GPC5: variants seen among roughly 807,000 people sequenced by gnomAD.
The protein encoded by GPC5 is glypican-5.
In GPC5, 47 loss-of-function variants were observed where a neutral mutation model predicts 53.9. That is an observed-to-expected ratio of 0.87 (90% CI 0.69 to 1.11). The LOEUF (loss-of-function observed/expected upper bound fraction) is 1.11. Among genes scored for constraint, GPC5 ranks in the 50% most tolerant of loss-of-function variants. GPC5 has a pLI of 0.00. For missense variants in GPC5, 748 were observed against 713.1 expected, an observed-to-expected ratio of 1.05 and a Z score of -0.56; for synonymous variants, 286 against 263.3, an observed-to-expected ratio of 1.09 and a Z score of -0.84.
chr13:92,660,540 A>G (rs1233756364), intron 7 of GPC5, among the ~76,000 whole-genome samples: 1 of 151,558 alleles, frequency 6.6e-6, no homozygotes, highest in East Asian at 1.9e-4. Flanking sequence ...TAATACTAAT[A>G]TAAAATTATG....
intron 7 of GPC5, among the ~76,000 whole-genome samples, chr13:92,550,040 T>C (rs779337652): frequency 2.0e-5 from 3 of 151,910 alleles, no homozygotes; most frequent in African/African-American, 7.2e-5. Context: ...GCCAGAGATA[T>C]CTATTCTTCA....
chr13:91,487,202 G>A (rs1594153286), intron 2 of GPC5, among the ~76,000 whole-genome samples: 2 of 152,178 alleles, frequency 1.3e-5, no homozygotes, highest in East Asian at 3.9e-4. Context: ...GGAAGTCACG[G>A]GTGTGATTAC....
intron 7 of GPC5, among the ~76,000 whole-genome samples, chr13:92,639,122 C>T (rs1345616076): frequency 6.6e-6 from 1 of 152,050 alleles, no homozygotes; most frequent in East Asian, 1.9e-4. Flanking sequence ...GTAAAGGGCT[C>T]AGAAATTATG....
chr13:92,528,095 C>T (rs1314047138), intron 7 of GPC5, among the ~76,000 whole-genome samples: 1 of 152,022 alleles, frequency 6.6e-6, no homozygotes, highest in Non-Finnish European at 1.5e-5. Context: ...ATGCTAATCA[C>T]TAGAGAATTG....
chr13:92,780,068 G>T (rs1202014476), intron 7 of GPC5, among the ~76,000 whole-genome samples: 1 of 152,034 alleles, frequency 6.6e-6, no homozygotes, highest in Non-Finnish European at 1.5e-5. Context: ...TAACATAGTG[G>T]TGTGTCTACT....
chr13:92,709,261 G>A (rs1036747681), intron 7 of GPC5, among the ~76,000 whole-genome samples: 7 of 141,986 alleles, frequency 4.9e-5, no homozygotes, highest in Non-Finnish European at 9.2e-5. Flanking sequence ...GTTTCACCAT[G>A]TTGACCACGC....
chr13:92,447,481 TA>T (rs1877875894), intron 7 of GPC5: 2 of 152,078 alleles, frequency 1.3e-5, no homozygotes, highest in Non-Finnish European at 2.9e-5. Context: ...GAAGCTTTTT[TA>T]GTAGGGATAT....
In GPC5 at chr13:92,586,964, G is replaced by GCACA. The variant is rs1469073952; in HGVS notation, c.1562-279317_1562-279316insACAC. On this transcript the variant is annotated intron_variant, in intron 7 of 7. Transcript: ENST00000377067. ...CTCTTGCATACACACACACACACAC[G>GCACA]CGCACACACACACACGCACACACAC... Among the ~76,000 whole-genome samples the GCACA allele has an allele frequency of 3.0e-3, 261 of 87,878 alleles. 1 individual carries two copies. The highest frequency in any genetic ancestry group is 0.011 in the African/African-American group (258 of 22,476). The allele number at this position is 87,878 out of a possible 152,430, so 57.7% of individuals were successfully genotyped here. A position where few individuals can be genotyped will look rare whatever the true frequency, so the allele number is the denominator to read the frequency against.
chr13:92,355,175 AT>A (rs1295345441), intron 7 of GPC5, among the ~76,000 whole-genome samples: 1 of 151,790 alleles, frequency 6.6e-6, no homozygotes, highest in African/African-American at 2.4e-5. Context: ...AATTATTCTC[AT>A]TAATAATTTA....
chr13:92,201,714 T>TGAAAGAG (rs2042296513), intron 7 of GPC5, among the ~76,000 whole-genome samples: 1 of 152,120 alleles, frequency 6.6e-6, no homozygotes, highest in Non-Finnish European at 1.5e-5. Context: ...CTAGATGTCT[T>TGAAAGAG]GAAAGAGACA....
chr13:92,764,835 A>G (rs182503757), intron 7 of GPC5, among the ~76,000 whole-genome samples: 313 of 152,176 alleles, frequency 2.1e-3, no homozygotes, highest in Non-Finnish European at 3.6e-3. Context: ...ATTCTCCCCA[A>G]ATTGTCTAAT....
chr13:91,998,798 T>C (rs941670363), intron 6 of GPC5, among the ~76,000 whole-genome samples: 2 of 152,216 alleles, frequency 1.3e-5, no homozygotes, highest in South Asian at 2.1e-4. Context: ...ATTCACATTA[T>C]GTAATGAGGG....
At chr13:92,743,649 T>A (rs1329137210) in intron 7 of GPC5, among the ~76,000 whole-genome samples, 1 of 152,122 alleles carries the variant, frequency 6.6e-6, no homozygotes, top group Non-Finnish European at 1.5e-5. Context: ...AGAGACGGCA[T>A]CTCTGTCTTG....
At chr13:91,859,046 T>G (rs1311330388) in intron 5 of GPC5, among the ~76,000 whole-genome samples, 1 of 148,294 alleles carries the variant, frequency 6.7e-6, no homozygotes. Context: ...TTTTTTTTTT[T>G]TTTAGTGTGG....
chr13:91,752,882 A>G (rs1475179053), intron 4 of GPC5, among the ~76,000 whole-genome samples: 8 of 152,192 alleles, frequency 5.3e-5, no homozygotes, highest in Non-Finnish European at 1.2e-4. Context: ...CTGCCCTGGA[A>G]CTACTGAATC....
intron 6 of GPC5, among the ~76,000 whole-genome samples, chr13:92,023,473 T>G (rs898101330): frequency 2.0e-5 from 3 of 152,094 alleles, no homozygotes; most frequent in Non-Finnish European, 4.4e-5. Flanking sequence ...GTTCATTAAA[T>G]GAACTTGAAC....
chr13:92,286,747 A>AG (rs1270255010), intron 7 of GPC5, among the ~76,000 whole-genome samples: 3 of 64,086 alleles, frequency 4.7e-5, no homozygotes, highest in South Asian at 5.6e-4. Flanking sequence ...GGGTTGGGGG[A>AG]GGGGGGAGGG....
intron 5 of GPC5, among the ~76,000 whole-genome samples, chr13:91,835,129 A>G (rs571221889): frequency 1.3e-5 from 2 of 152,256 alleles, no homozygotes; most frequent in East Asian, 1.9e-4. Flanking sequence ...ACCAAGAAAC[A>G]TATGAAATCT....
chr13:91,904,141 T>TTC (rs2039528783), intron 5 of GPC5, among the ~76,000 whole-genome samples: 1 of 14,966 alleles, frequency 6.7e-5, no homozygotes, highest in Non-Finnish European at 1.2e-4. Flanking sequence ...CTTTTCTTTC[T>TTC]TTTTTTTTTT....
Sources: allele counts gnomAD v4.1 joint callset (sites outside exome capture counted in the v4.1 genomes callset), GRCh38; gene constraint gnomAD v4.1.1; transcripts MANE v1.5; gene names NCBI Gene and HGNC (gene_info 2026-07-23, HGNC 2026-07-21).